SDK1: variants seen among roughly 807,000 people sequenced by gnomAD.
The protein encoded by SDK1 is sidekick cell adhesion molecule 1, also known as protein sidekick-1.
In SDK1, 157 loss-of-function variants were observed where a neutral mutation model predicts 245.5. That is an observed-to-expected ratio of 0.64 (90% CI 0.56 to 0.73). The LOEUF (loss-of-function observed/expected upper bound fraction) is 0.73. SDK1 is among the 30% of genes least tolerant of loss of function. The pLI is 0.00. For synonymous variants in SDK1, 1,647 were observed against 1,278.5 expected (o/e 1.29, Z -6.15); for missense variants, 3,583 against 3,002.3 (o/e 1.19, Z -4.52).
chr7:3,760,182 G>A (rs966096506), intron 4 of SDK1, among the ~76,000 whole-genome samples: 1 of 152,026 alleles, frequency 6.6e-6, no homozygotes, highest in Non-Finnish European at 1.5e-5. Flanking sequence ...AAAATTTCTC[G>A]AGGTCTCGGC....
intron 5 of SDK1, among the ~76,000 whole-genome samples, chr7:3,906,825 T>G (rs143323967): frequency 0.01 from 1,586 of 152,134 alleles, 11 homozygotes; most frequent in Non-Finnish European, 0.016. Flanking sequence ...AGACGGGGTT[T>G]CACCATGTTG....
chr7:3,628,809 C>T (rs945783160), intron 2 of SDK1, among the ~76,000 whole-genome samples: 8 of 152,222 alleles, frequency 5.3e-5, no homozygotes, highest in Admixed American at 2.0e-4. Flanking sequence ...AGATTGTGAT[C>T]GCTGAGAGAT....
intron 1 of SDK1, among the ~76,000 whole-genome samples, chr7:3,588,597 C>A (rs1780763217): frequency 6.6e-6 from 1 of 152,098 alleles, no homozygotes; most frequent in African/African-American, 2.4e-5. Flanking sequence ...AAAGTCTCTT[C>A]AGTCAGTGGC....
intron 1 of SDK1, among the ~76,000 whole-genome samples, chr7:3,468,590 G>A (rs924288552): frequency 6.6e-6 from 1 of 152,118 alleles, no homozygotes; most frequent in East Asian, 1.9e-4. Context: ...TTGACTGTAG[G>A]TCATAACACC....
intron 5 of SDK1, among the ~76,000 whole-genome samples, chr7:3,919,447 C>T (rs771660770): frequency 9.9e-5 from 15 of 152,162 alleles, no homozygotes; most frequent in African/African-American, 2.7e-4. Context: ...CGTCAAGTGA[C>T]GACAGATGAC....
chr7:3,577,102 A>T (rs1026195580), intron 1 of SDK1, among the ~76,000 whole-genome samples: 5 of 151,952 alleles, frequency 3.3e-5, no homozygotes, highest in Non-Finnish European at 7.4e-5. Flanking sequence ...GAGCCTGGCC[A>T]TACTGGAAGA....
intron 5 of SDK1, among the ~76,000 whole-genome samples, chr7:3,918,013 G>A (rs768098471): frequency 4.6e-5 from 7 of 152,144 alleles, no homozygotes; most frequent in Non-Finnish European, 8.8e-5. Context: ...CATTTCAAGG[G>A]CCTTATGTGT....
rs542166364 is a variant in SDK1 at position 3,618,597 on chromosome 7, G to A, written c.299-483G>A. Among the ~76,000 whole-genome samples the A allele has an allele frequency of 7.2e-5, 11 of 152,326 alleles. No homozygotes were observed. The East Asian group carries it at 1.9e-3, about 27-fold the overall frequency. ...AGTCACCAGGAGAGACCATTTCCAC[G>A]TGTGTATGAAAGGAAAGCTAGGTTG... On this transcript the variant is annotated intron_variant, in intron 1 of 44. Transcript: ENST00000404826.
intron 1 of SDK1, among the ~76,000 whole-genome samples, chr7:3,411,415 A>C (rs372192433): frequency 2.0e-5 from 3 of 152,202 alleles, no homozygotes; most frequent in African/African-American, 7.2e-5. Context: ...CATATGATCC[A>C]ATAACATAGA....
At chr7:3,504,332 A>G (rs1237586620) in intron 1 of SDK1, among the ~76,000 whole-genome samples, 2 of 151,720 alleles carry the variant, frequency 1.3e-5, no homozygotes, top group Non-Finnish European at 2.9e-5. Context: ...ACACAGTGAT[A>G]ATACAAGGGA....
chr7:3,960,950 A>T (rs1349980409), intron 8 of SDK1, among the ~76,000 whole-genome samples: 2 of 152,230 alleles, frequency 1.3e-5, no homozygotes, highest in East Asian at 3.8e-4. Flanking sequence ...TTCTGTTATG[A>T]CATTAAATTG....
rs369500644 is a variant in SDK1, at chr7:3,638,547, C to G, written c.459-457C>G. ...ACTAACACAAGGACAAAAAACCAAA[C>G]ACCGCATGTTCTCACTCATAGGTGG... On this transcript the variant is annotated intron_variant, in intron 2 of 44. Coordinates refer to ENST00000404826, the MANE Select transcript of SDK1 (RefSeq NM_152744.4). Among the ~76,000 whole-genome samples the G allele has an allele frequency of 1.0e-4, 15 of 148,688 alleles. 1 individual carries two copies. The highest frequency in any genetic ancestry group is 3.7e-4 in the African/African-American group (15 of 40,248).
intron 1 of SDK1, among the ~76,000 whole-genome samples, chr7:3,587,664 A>G (rs1357171019): frequency 1.3e-5 from 2 of 152,224 alleles, no homozygotes; most frequent in African/African-American, 4.8e-5. Flanking sequence ...TCACCAATTC[A>G]GATGCTGATC....
chr7:3,902,407 C>A (rs1044924344), intron 5 of SDK1, among the ~76,000 whole-genome samples: 1 of 152,276 alleles, frequency 6.6e-6, no homozygotes, highest in Non-Finnish European at 1.5e-5. Context: ...ATTGCTATAC[C>A]GATACTACTG....
chr7:3,377,962 A>G (rs1002024109), intron 1 of SDK1, among the ~76,000 whole-genome samples: 7 of 151,838 alleles, frequency 4.6e-5, no homozygotes, highest in African/African-American at 1.7e-4. Flanking sequence ...TATTTTAGTA[A>G]AGATGGGGGT....
intron 1 of SDK1, among the ~76,000 whole-genome samples, chr7:3,457,916 A>C (rs999266233): frequency 1.3e-5 from 2 of 152,192 alleles, no homozygotes; most frequent in Admixed American, 6.5e-5. Context: ...ATGTTTAGAC[A>C]CTTTTGATCT....
At chr7:3,829,181 A>T (rs2115070886) in intron 5 of SDK1, among the ~76,000 whole-genome samples, 1 of 152,334 alleles carries the variant, frequency 6.6e-6, no homozygotes, top group Non-Finnish European at 1.5e-5. Context: ...TGTTCTTTTT[A>T]GTCCTTCAAA....
intron 4 of SDK1, among the ~76,000 whole-genome samples, chr7:3,808,870 T>C (rs1317691022): frequency 6.6e-6 from 1 of 152,128 alleles, no homozygotes; most frequent in East Asian, 1.9e-4. Context: ...TCATTAAAAA[T>C]TGGATTTTCA....
At chr7:4,079,322 C>A in intron 21 of SDK1, 141 bp from the exon 22 acceptor site, 1 of 1,069,652 alleles carries the variant, frequency 9.3e-7, no homozygotes, top group Non-Finnish European at 1.4e-6. Flanking sequence ...CTGCTTCTCA[C>A]CTTCATGGTT....
Sources: gnomAD v4.1 joint callset for allele counts (sites outside exome capture counted in the v4.1 genomes callset) on GRCh38, gnomAD v4.1.1 for gene constraint, MANE v1.5 for transcripts, NCBI Gene and HGNC (gene_info 2026-07-23, HGNC 2026-07-21) for gene names.